RALYL: variants seen among roughly 807,000 people sequenced by gnomAD.
RALYL encodes the protein RALY RNA binding protein like, also known as RNA-binding Raly-like protein.
Under a neutral mutation model 35.1 loss-of-function variants are expected in RALYL, and 29 were observed. The ratio of observed to expected loss-of-function variants is 0.83; its 90% CI spans 0.61 to 1.13. RALYL has a LOEUF of 1.13. Ranked by LOEUF, RALYL falls within the 50% of genes most tolerant of loss-of-function variation. The probability of loss-of-function intolerance (pLI) is 0.00; values close to 1 mark genes in which losing one functional copy is unlikely to be tolerated. For synonymous variants in RALYL, 120 were observed against 127.6 expected (o/e 0.94, Z 0.40); for missense variants, 359 against 360.4 (o/e 1.00, Z 0.03).
intron 8 of RALYL, among the ~76,000 whole-genome samples, chr8:84,920,277 T>G (rs1991352): frequency 0.3 from 45,218 of 151,928 alleles, 7,244 homozygotes; most frequent in East Asian, 0.61. Flanking sequence ...TCCCCACTGA[T>G]TGAGTCTTGC....
intron 8 of RALYL, among the ~76,000 whole-genome samples, chr8:84,905,280 A>G (rs1846301282): frequency 6.6e-6 from 1 of 152,190 alleles, no homozygotes; most frequent in Non-Finnish European, 1.5e-5. Flanking sequence ...GCTAAATAAT[A>G]TTTCCTTGAA....
chr8:84,833,909 T>C (rs1175219837), intron 4 of RALYL, among the ~76,000 whole-genome samples: 3 of 151,486 alleles, frequency 2.0e-5, no homozygotes, highest in Non-Finnish European at 4.4e-5. Context: ...TGATAAATGC[T>C]AAGCCTTCAG....
At chr8:84,536,796 G>A (rs1447661898) in intron 2 of RALYL, among the ~76,000 whole-genome samples, 2 of 152,084 alleles carry the variant, frequency 1.3e-5, no homozygotes, top group African/African-American at 2.4e-5. Flanking sequence ...TAACTTGATA[G>A]GTTAACAAAA....
chr8:84,845,159 C>T lies in RALYL; in HGVS notation c.366-4821C>T, dbSNP rs906443470. ...AATAAAAAATTTAGTCACGTATTTC[C>T]TTTGTGAGCTTATTTGGTTACATCT... On this transcript the variant is annotated intron_variant, in intron 4 of 8. Coordinates refer to ENST00000521268, the MANE Select transcript of RALYL (RefSeq NM_173848.7). Among the ~76,000 whole-genome samples the T allele has an allele frequency of 5.3e-5, 8 of 152,136 alleles. No individual in the cohort carries two copies. In the East Asian group the frequency reaches 1.4e-3, roughly 26 times the overall value.
At position 84,901,690 on chromosome 8, in the gene RALYL, T is replaced by A. The variant is rs574933249; in HGVS notation, c.858+13914T>A. On this transcript the variant is annotated intron_variant, in intron 8 of 8. Transcript: ENST00000521268. ...AAATATATCAGAGGATGTTTTACCC[T>A]GAAGCCAGCATATTTTCCAGGAGGG... 2.7e-3 allele frequency among the ~76,000 whole-genome samples: 408 copies of A among 152,276 alleles called. 7 individuals carry two copies. In the South Asian group the frequency reaches 0.037, roughly 14 times the overall value.
intron 1 of RALYL, among the ~76,000 whole-genome samples, chr8:84,430,545 A>T (rs1023851427): frequency 6.6e-6 from 1 of 152,132 alleles, no homozygotes; most frequent in Non-Finnish European, 1.5e-5. Flanking sequence ...TATAGAGACA[A>T]TAAGAACCAC....
chr8:84,564,414 T>G (rs955390260), intron 2 of RALYL, among the ~76,000 whole-genome samples: 37 of 151,738 alleles, frequency 2.4e-4, no homozygotes, highest in African/African-American at 8.5e-4. Flanking sequence ...AGCTTCACCC[T>G]GCATTTTCAT....
intron 2 of RALYL, among the ~76,000 whole-genome samples, chr8:84,535,620 A>G (rs1037481958): frequency 4.0e-5 from 6 of 149,456 alleles, no homozygotes; most frequent in Non-Finnish European, 7.4e-5. Context: ...ATTTTATTTT[A>G]TTTTATTTTA....
chr8:84,729,859 C>A (rs1250506732), intron 2 of RALYL, among the ~76,000 whole-genome samples: 1 of 152,096 alleles, frequency 6.6e-6, no homozygotes, highest in Non-Finnish European at 1.5e-5. Context: ...CTGAATAGAC[C>A]AATAACAGGA....
intron 1 of RALYL, among the ~76,000 whole-genome samples, chr8:84,296,610 TTC>T (rs1260687194): frequency 1.3e-5 from 2 of 150,028 alleles, no homozygotes; most frequent in Admixed American, 6.7e-5. Flanking sequence ...GGAGACATCT[TTC>T]TCTCTCTTGC....
intron 2 of RALYL, among the ~76,000 whole-genome samples, chr8:84,642,342 A>G (rs572971925): frequency 1.3e-5 from 2 of 152,094 alleles, no homozygotes; most frequent in Admixed American, 6.6e-5. Flanking sequence ...AGCAGCCTCT[A>G]TGGCAATTTG....
intron 1 of RALYL, among the ~76,000 whole-genome samples, chr8:84,372,887 T>TTTTTTTTGTTTTGTTTTG (rs1856090185): frequency 1.5e-5 from 1 of 64,580 alleles, no homozygotes; most frequent in African/African-American, 8.0e-5. Flanking sequence ...CCAGCATCTG[T>TTTTTTTTGTTTTGTTTTG]TTTTTTTTTT....
intron 1 of RALYL, among the ~76,000 whole-genome samples, chr8:84,251,523 G>C (rs980480471): frequency 6.6e-6 from 1 of 151,754 alleles, no homozygotes; most frequent in African/African-American, 2.4e-5. Context: ...TTAGAGTCTA[G>C]AGTCTATTTA....
At chr8:84,793,594 T>C (rs959987929) in intron 3 of RALYL, among the ~76,000 whole-genome samples, 10 of 152,084 alleles carry the variant, frequency 6.6e-5, no homozygotes, top group African/African-American at 1.9e-4. Context: ...TACAGCTCTA[T>C]AGAGTGGGAG....
At chr8:84,194,430 T>C (rs1478470239) in intron 1 of RALYL, among the ~76,000 whole-genome samples, 1 of 152,210 alleles carries the variant, frequency 6.6e-6, no homozygotes, top group African/African-American at 2.4e-5. Flanking sequence ...GTAATGTGTT[T>C]GTGTATCTTG....
chr8:84,650,752 G>T (rs1564309789), intron 2 of RALYL, among the ~76,000 whole-genome samples: 1 of 151,490 alleles, frequency 6.6e-6, no homozygotes, highest in African/African-American at 2.4e-5. Context: ...AAATCATGCT[G>T]CTATAAAGAC....
intron 3 of RALYL, among the ~76,000 whole-genome samples, chr8:84,803,599 C>T (rs1823873577): frequency 6.6e-6 from 1 of 152,178 alleles, no homozygotes. Context: ...TGCTTCTACC[C>T]TACCTAGAGC....
intron 1 of RALYL, among the ~76,000 whole-genome samples, chr8:84,469,156 C>T (rs972375433): frequency 1.5e-4 from 23 of 152,216 alleles, no homozygotes; most frequent in Admixed American, 2.6e-4. Context: ...GTCAGTCATT[C>T]TCCATCCAGT....
At chr8:84,704,226 A>T (rs1443242299) in intron 2 of RALYL, among the ~76,000 whole-genome samples, 1 of 152,130 alleles carries the variant, frequency 6.6e-6, no homozygotes, top group Non-Finnish European at 1.5e-5. Flanking sequence ...GGAGTTCGAG[A>T]TCAGCCTGGC....
Sources: allele counts gnomAD v4.1 joint callset (sites outside exome capture counted in the v4.1 genomes callset), GRCh38; gene constraint gnomAD v4.1.1; transcripts MANE v1.5; gene names NCBI Gene and HGNC (gene_info 2026-07-23, HGNC 2026-07-21).